The following SCAMP1 variants were observed in gnomAD, a reference collection of about 807,000 sequenced individuals.
SCAMP1 encodes the protein secretory carrier-associated membrane protein 1.
In SCAMP1, 15 loss-of-function variants were observed where a neutral mutation model predicts 41.8. The observed-to-expected ratio is 0.36, with a 90% CI of 0.24 to 0.55. The LOEUF (loss-of-function observed/expected upper bound fraction) is 0.55, where lower values mean the gene tolerates loss of function less well. SCAMP1 is among the 20% of genes least tolerant of loss of function. The pLI, the probability that SCAMP1 is intolerant of heterozygous loss-of-function variation, is 0.86. For missense variants in SCAMP1, 341 were observed against 412.6 expected (o/e 0.83, Z 1.50); for synonymous variants, 135 against 136.8 (o/e 0.99, Z 0.09).
chr5:78,463,688 A>C (rs2112240483), intron 8 of SCAMP1, among the ~76,000 whole-genome samples: 1 of 152,362 alleles, frequency 6.6e-6, no homozygotes, highest in East Asian at 1.9e-4. Context: ...ATATAGAGAC[A>C]GAAAATGTAT....
intron 1 of SCAMP1, among the ~76,000 whole-genome samples, chr5:78,364,599 A>G (rs1167140825): frequency 6.6e-6 from 1 of 152,110 alleles, no homozygotes; most frequent in East Asian, 1.9e-4. Flanking sequence ...GTGACACTGT[A>G]TGTGCTCCCT....
intron 1 of SCAMP1, among the ~76,000 whole-genome samples, chr5:78,372,459 G>A (rs1489182784): frequency 6.6e-6 from 1 of 152,020 alleles, no homozygotes; most frequent in Admixed American, 6.6e-5. Flanking sequence ...GAGGGGGAAG[G>A]TTCATTTGTG....
chr5:78,365,421 C>T (rs1377729665), intron 1 of SCAMP1, among the ~76,000 whole-genome samples: 2 of 131,040 alleles, frequency 1.5e-5, no homozygotes, highest in Non-Finnish European at 3.1e-5. Flanking sequence ...TTGCAGTGAG[C>T]TGAGATGGCA....
intron 7 of SCAMP1, among the ~76,000 whole-genome samples, chr5:78,452,329 C>G (rs1056374768): frequency 7.8e-6 from 1 of 128,594 alleles, no homozygotes; most frequent in African/African-American, 2.9e-5. Context: ...TGCTATCCCT[C>G]CCCCCTCCCT....
chr5:78,421,871 G>A lies in SCAMP1; in HGVS notation c.543G>A (p.Ala181=), dbSNP rs376328461. The change falls in exon 6 of 9, where the codon GCG becomes GCA. Residue 181 remains alanine, a synonymous_variant. Transcript: ENST00000621999. ...LAWFCVDSAR[A]VDFGLSILWF... Reference sequence around the variant, plus strand: ...GGTTTTGTGTTGATTCTGCAAGAGCGGTTGATTTTGGATTGAGTATCCTGT... The same window carrying A: ...GGTTTTGTGTTGATTCTGCAAGAGCAGTTGATTTTGGATTGAGTATCCTGT... 2.1e-4 allele frequency: 340 copies of A among 1,613,556 alleles called. No individual in the cohort carries two copies. In the Admixed American group the frequency reaches 2.2e-3, roughly 11 times the overall value.
chr5:78,459,338 C>A lies in SCAMP1; in HGVS notation c.828C>A (p.Val276=). Residue 276 remains valine (V), a synonymous_variant, in exon 8 of 9, where the codon GTC becomes GTA. Transcript: ENST00000621999. ...CAGCACTTTTCACAGCATCAGCAGT[C>A]ATCTCACTAGTTATGTTCAAAAAAG... ...IIAALFTASA[V]ISLVMFKKVH... 6.4e-7 allele frequency: 1 copy of A among 1,570,444 alleles called. No individual in the cohort carries two copies. Among genetic ancestry groups the A allele is most frequent in the South Asian group, 1.1e-5 (1 of 89,508 alleles).
chr5:78,441,980 T>C (rs554021465), intron 6 of SCAMP1, among the ~76,000 whole-genome samples: 1 of 152,146 alleles, frequency 6.6e-6, no homozygotes, highest in African/African-American at 2.4e-5. Context: ...AGTACAAATA[T>C]TAGTCGGTTG....
chr5:78,461,631 G>A (rs1369897569), intron 8 of SCAMP1, among the ~76,000 whole-genome samples: 1 of 152,042 alleles, frequency 6.6e-6, no homozygotes, highest in African/African-American at 2.4e-5. Flanking sequence ...GCACAATCTC[G>A]GCTCACTGCA....
At chr5:78,426,885 G>A (rs1752483277) in intron 6 of SCAMP1, among the ~76,000 whole-genome samples, 1 of 152,204 alleles carries the variant, frequency 6.6e-6, no homozygotes, top group African/African-American at 2.4e-5. Context: ...GCTGCAGAAT[G>A]TGTTAGTAAT....
chr5:78,363,050 AC>A (rs1750700494), intron 1 of SCAMP1, among the ~76,000 whole-genome samples: 1 of 138,314 alleles, frequency 7.2e-6, no homozygotes, highest in South Asian at 2.3e-4. Flanking sequence ...CCGCCACCAC[AC>A]CCGGCTAATT....
At chr5:78,460,523 T>A (rs1298613560) in intron 8 of SCAMP1, among the ~76,000 whole-genome samples, 2 of 152,128 alleles carry the variant, frequency 1.3e-5, no homozygotes, top group Non-Finnish European at 2.9e-5. Flanking sequence ...TTTTCTTCCA[T>A]TTGTTGGCTG....
At position 78,413,421 on chromosome 5, in the gene SCAMP1, CT is replaced by C. The variant is rs10661289; in HGVS notation, c.136-2085del. Among the ~76,000 whole-genome samples, 40 of 139,950 alleles carry C rather than the reference CT, an allele frequency of 2.9e-4. 1 individual carries two copies. Among genetic ancestry groups the C allele is most frequent in the Admixed American group, 8.5e-4 (12 of 14,096 alleles). 91.8% of individuals were successfully genotyped at this position (139,950 alleles called of 152,430 possible). A position where few individuals can be genotyped will look rare whatever the true frequency, so the allele number is the denominator to read the frequency against. On this transcript the variant is annotated intron_variant, in intron 2 of 8. Transcript: ENST00000621999. ...GGTTTGACCTGTTTTTAGTTCCTGC[CT>C]TTTTTTTTTTTTTGAGATAGACTCT...
chr5:78,415,686 C>A, intron 3 of SCAMP1, 68 bp downstream of exon 3: 1 of 954,324 alleles, frequency 1.0e-6, no homozygotes, highest in Non-Finnish European at 1.6e-6. Context: ...GCTTTCAGAG[C>A]AAAATAAATC....
intron 6 of SCAMP1, among the ~76,000 whole-genome samples, chr5:78,431,408 T>C (rs1407040363): frequency 6.6e-6 from 1 of 151,850 alleles, no homozygotes; most frequent in Non-Finnish European, 1.5e-5. Flanking sequence ...CAGTCTCTTT[T>C]AATTAATGTG....
chr5:78,382,283 T>C (rs2112071913), intron 1 of SCAMP1, among the ~76,000 whole-genome samples: 1 of 152,332 alleles, frequency 6.6e-6, no homozygotes, highest in East Asian at 1.9e-4. Context: ...TAGTTGACTT[T>C]TGTTGATGTT....
chr5:78,465,044 T>C (rs1337839784), intron 8 of SCAMP1, among the ~76,000 whole-genome samples: 1 of 152,222 alleles, frequency 6.6e-6, no homozygotes, highest in East Asian at 1.9e-4. Context: ...GAAGACCTAC[T>C]AGTATTCTTT....
At chr5:78,435,966 C>T (rs780177061) in intron 6 of SCAMP1, among the ~76,000 whole-genome samples, 4 of 152,224 alleles carry the variant, frequency 2.6e-5, no homozygotes, top group Admixed American at 2.0e-4. Flanking sequence ...TTGCATTTCT[C>T]TGATGACCAG....
At chr5:78,418,601 T>C (rs1399144785) in intron 4 of SCAMP1, among the ~76,000 whole-genome samples, 174 bp from the exon 5 acceptor site, 1 of 152,174 alleles carries the variant, frequency 6.6e-6, no homozygotes, top group Non-Finnish European at 1.5e-5. Context: ...CTGAGAAAAT[T>C]TTTTAAAAAT....
chr5:78,456,178 A>G lies in SCAMP1; in HGVS notation c.735-3067A>G, dbSNP rs1580710459. On this transcript the variant is annotated intron_variant, in intron 7 of 8. Transcript: ENST00000621999. ...GTCTTTTAATTGGAGCATTTAGTCC[A>G]TTTACATTTAAAGTTAATATTGTTA... Among the ~76,000 whole-genome samples, 5 of 122,880 alleles carry G rather than the reference A, an allele frequency of 4.1e-5. No individual in the cohort carries two copies. In the East Asian group the frequency reaches 1.2e-3, roughly 29 times the overall value. 80.6% of individuals were successfully genotyped at this position (122,880 alleles called of 152,430 possible).
Sources: allele counts gnomAD v4.1 joint callset (sites outside exome capture counted in the v4.1 genomes callset), GRCh38; gene constraint gnomAD v4.1.1; transcripts MANE v1.5; gene names NCBI Gene and HGNC (gene_info 2026-07-23, HGNC 2026-07-21).